CDH18: variants seen among roughly 807,000 people sequenced by gnomAD.
CDH18 encodes cadherin 18, also known as cadherin-18.
Under a neutral mutation model 67.9 loss-of-function variants are expected in CDH18, and 31 were observed. The observed-to-expected ratio is 0.46, with a 90% confidence interval of 0.34 to 0.62. The LOEUF is 0.62. CDH18 is among the 20% of genes least tolerant of loss of function. The probability of loss-of-function intolerance (pLI) is 0.01; values close to 1 mark genes in which losing one functional copy is unlikely to be tolerated. For synonymous variants in CDH18, 362 were observed against 347.2 expected (o/e 1.04, Z -0.48); for missense variants, 890 against 975.5 (o/e 0.91, Z 1.17).
intron 5 of CDH18, among the ~76,000 whole-genome samples, chr5:19,699,138 T>C (rs1762895577): frequency 6.6e-6 from 1 of 152,126 alleles, no homozygotes. Flanking sequence ...TGTAATAGGT[T>C]AATTCAGTGT....
intron 2 of CDH18, among the ~76,000 whole-genome samples, chr5:20,207,440 A>T (rs1264954803): frequency 1.3e-5 from 2 of 152,068 alleles, no homozygotes; most frequent in Non-Finnish European, 2.9e-5. Context: ...ATAAAGACAT[A>T]CAAGAGACTG....
At chr5:19,794,828 C>T (rs1380797636) in intron 3 of CDH18, among the ~76,000 whole-genome samples, 1 of 152,116 alleles carries the variant, frequency 6.6e-6, no homozygotes, top group Non-Finnish European at 1.5e-5. Context: ...ATGATATACA[C>T]TCATTTTTCC....
intron 3 of CDH18, among the ~76,000 whole-genome samples, chr5:19,827,724 G>C (rs1223312917): frequency 6.6e-6 from 1 of 152,012 alleles, no homozygotes; most frequent in Non-Finnish European, 1.5e-5. Flanking sequence ...AGAATATCTG[G>C]GATACATCTA....
chr5:20,400,870 T>C (rs1745707039), intron 1 of CDH18, among the ~76,000 whole-genome samples: 1 of 152,196 alleles, frequency 6.6e-6, no homozygotes, highest in African/African-American at 2.4e-5. Flanking sequence ...AAATCCCTTA[T>C]ACTGAAACTT....
intron 1 of CDH18, among the ~76,000 whole-genome samples, chr5:20,444,064 C>T (rs1466756202): frequency 6.6e-6 from 1 of 151,718 alleles, no homozygotes; most frequent in Admixed American, 6.6e-5. Context: ...TGTATAAAAC[C>T]CTTTCCAGTT....
chr5:20,485,254 C>A (rs1176415858), intron 1 of CDH18, among the ~76,000 whole-genome samples: 4 of 152,116 alleles, frequency 2.6e-5, no homozygotes, highest in African/African-American at 9.7e-5. Context: ...GACACTACAA[C>A]TATACCAGTG....
upstream of CDH18, among the ~76,000 whole-genome samples, chr5:19,989,556 T>C (rs755794521): frequency 6.6e-6 from 1 of 152,200 alleles, no homozygotes; most frequent in Non-Finnish European, 1.5e-5. Context: ...AAAATCTGTA[T>C]CCTTGTACAA....
intron 12 of CDH18, among the ~76,000 whole-genome samples, chr5:19,481,724 A>G (rs567823281): frequency 6.6e-6 from 1 of 152,178 alleles, no homozygotes; most frequent in African/African-American, 2.4e-5. Flanking sequence ...CACTCCATCT[A>G]TACAAGTTAT....
chr5:20,052,243 GTGACA>G (rs1741490249), intron 2 of CDH18, among the ~76,000 whole-genome samples: 1 of 152,032 alleles, frequency 6.6e-6, no homozygotes, highest in Non-Finnish European at 1.5e-5. Context: ...TGGACCCTTA[GTGACA>G]TGGCATGTCA....
At chr5:19,993,579 C>T (rs1800099114) in intron 2 of CDH18, among the ~76,000 whole-genome samples, 1 of 151,998 alleles carries the variant, frequency 6.6e-6, no homozygotes, top group African/African-American at 2.4e-5. Flanking sequence ...TGAACTACAC[C>T]TATTCCTTGC....
chr5:20,555,247 A>G, intron 1 of CDH18, among the ~76,000 whole-genome samples: 1 of 152,102 alleles, frequency 6.6e-6, no homozygotes, highest in East Asian at 1.9e-4. Flanking sequence ...CCAGGAAGAC[A>G]GCCTTCACCA....
intron 2 of CDH18, among the ~76,000 whole-genome samples, chr5:20,083,226 G>A (rs1359992556): frequency 1.3e-5 from 2 of 152,152 alleles, no homozygotes; most frequent in East Asian, 3.9e-4. Flanking sequence ...TTAAAAGAAA[G>A]GGCAGATTTG....
intron 2 of CDH18, among the ~76,000 whole-genome samples, chr5:19,941,554 G>C (rs1227479822): frequency 6.6e-6 from 1 of 151,860 alleles, no homozygotes; most frequent in Non-Finnish European, 1.5e-5. Context: ...GGCCAAGATG[G>C]GTAGATCATT....
At chr5:19,909,803 A>C (rs528547665) in intron 2 of CDH18, among the ~76,000 whole-genome samples, 1 of 152,266 alleles carries the variant, frequency 6.6e-6, no homozygotes, top group African/African-American at 2.4e-5. Flanking sequence ...AGAAGGTTAA[A>C]TGTATTTGGT....
chr5:19,683,868 T>G (rs938179773), intron 5 of CDH18, among the ~76,000 whole-genome samples: 4 of 152,160 alleles, frequency 2.6e-5, no homozygotes, highest in African/African-American at 9.6e-5. Context: ...TTTCACTGTT[T>G]CTCAAACCAC....
intron 1 of CDH18, chr5:20,305,752 G>T: frequency 3.3e-6 from 1 of 307,658 alleles, no homozygotes; most frequent in Non-Finnish European, 6.1e-6. Flanking sequence ...CGCCGAACAC[G>T]CTTTGGGCGG....
At position 20,156,250 on chromosome 5, in the gene CDH18, G is replaced by T. The variant is rs182586022; in HGVS notation, c.-518+99194C>A. On this transcript the variant is annotated intron_variant, in intron 2 of 14. Coordinates refer to the CDH18 transcript ENST00000507958. ...TACTGGGTATATATAAAAAGGAGAA[G>T]AAATCATTACATCCAAAAGATACGC... is the stretch of plus-strand genomic sequence containing the variant. Among the ~76,000 whole-genome samples, 25 of 152,060 alleles carry T rather than the reference G, an allele frequency of 1.6e-4. No individual in the cohort carries two copies. The East Asian group carries it at 2.7e-3, about 16-fold the overall frequency.
intron 3 of CDH18, among the ~76,000 whole-genome samples, chr5:19,822,169 C>A (rs994588022): frequency 6.6e-6 from 1 of 152,132 alleles, no homozygotes; most frequent in Admixed American, 6.6e-5. Context: ...TTAAAAGACA[C>A]AGAGTGGCAA....
At chr5:20,199,414 T>C (rs553289988) in intron 2 of CDH18, among the ~76,000 whole-genome samples, 76 of 152,326 alleles carry the variant, frequency 5.0e-4, no homozygotes, top group African/African-American at 1.7e-3. Context: ...ATAAGGCCTG[T>C]AGCCCCTTTG....
Sources: allele counts gnomAD v4.1 joint callset (sites outside exome capture counted in the v4.1 genomes callset), GRCh38; gene constraint gnomAD v4.1.1; transcripts MANE v1.5; gene names NCBI Gene and HGNC (gene_info 2026-07-23, HGNC 2026-07-21).